Variants in ATP6V0A4 observed in about 807,000 individuals in gnomAD.
ATP6V0A4 encodes the protein ATPase H+ transporting V0 subunit a4.
A neutral mutation model predicts 107.3 loss-of-function variants in ATP6V0A4; 86 were observed. The observed-to-expected ratio is 0.80, with a 90% CI of 0.67 to 0.96. The LOEUF (loss-of-function observed/expected upper bound fraction) is 0.96. Among genes scored for constraint, ATP6V0A4 ranks in the 40% least tolerant of loss-of-function variants. The pLI is 0.00. For missense variants in ATP6V0A4, 908 were observed against 1,045.6 expected, an observed-to-expected ratio of 0.87 and a Z score of 1.81; for synonymous variants, 353 against 381.4, an observed-to-expected ratio of 0.93 and a Z score of 0.87.
At chr7:138,779,356 AT>A (rs200629987) in intron 2 of ATP6V0A4, among the ~76,000 whole-genome samples, 3,090 of 148,734 alleles carry the variant, frequency 0.021, 108 homozygotes, top group African/African-American at 0.061. Context: ...TTAAAAAAAA[AT>A]AAATAAATAA....
At chr7:138,756,314 G>A (rs1325643630) in intron 9 of ATP6V0A4, 144 bp downstream of exon 9, 1 of 1,386,708 alleles carries the variant, frequency 7.2e-7, no homozygotes, top group African/African-American at 1.5e-5. Context: ...TTAAAAATCA[G>A]TTGGGGCTGA....
At chr7:138,733,678 A>G (rs947143283) in intron 16 of ATP6V0A4, among the ~76,000 whole-genome samples, 1 of 148,882 alleles carries the variant, frequency 6.7e-6, no homozygotes, top group African/African-American at 2.5e-5. Context: ...TCCAGGTCCA[A>G]GGGATTCCCC....
intron 8 of ATP6V0A4, among the ~76,000 whole-genome samples, chr7:138,759,350 T>C (rs1806672235): frequency 6.6e-6 from 1 of 152,086 alleles, no homozygotes; most frequent in Admixed American, 6.6e-5. Context: ...CCACCATGCC[T>C]GGCCTGGAAT....
At chr7:138,711,268 A>G (rs6971887) in intron 20 of ATP6V0A4, among the ~76,000 whole-genome samples, 4,803 of 151,926 alleles carry the variant, frequency 0.032, 182 homozygotes, top group East Asian at 0.1. Flanking sequence ...ATCGGAAAAA[A>G]CCCGGACTCG....
intron 3 of ATP6V0A4, 25 bp from the exon 4 acceptor site, chr7:138,769,276 A>G: frequency 6.2e-7 from 1 of 1,607,794 alleles, no homozygotes; most frequent in South Asian, 1.1e-5. Context: ...ATCACAAGAT[A>G]CATGTTAGTA....
intron 19 of ATP6V0A4, among the ~76,000 whole-genome samples, chr7:138,717,780 T>C (rs1257373847): frequency 6.7e-6 from 1 of 148,530 alleles, no homozygotes; most frequent in Non-Finnish European, 1.5e-5. Context: ...TGGTGGCGCA[T>C]GCCTGTAGTC....
chr7:138,715,782 G>C lies in ATP6V0A4; in HGVS notation c.2239C>G (p.Leu747Val), dbSNP rs201343486. The change falls in exon 20 of 22, where the codon CTC (leucine) becomes GTC (valine). Residue 747 changes from leucine (L) to valine (V), a missense_variant. Coordinates refer to ENST00000310018, the MANE Select transcript of ATP6V0A4 (RefSeq NM_020632.3). ...NTASYLRLWALSLAHAQLSEV... is the reference protein window; with the variant it reads ...NTASYLRLWAVSLAHAQLSEV... ...CACTCACGTGCATGAGCCAGGCTGA[G>C]GGCCCAGAGCCGCAGGTAGGAGGCT... is the stretch of plus-strand genomic sequence containing the variant. 1 of 1,611,684 alleles carries C rather than the reference G, an allele frequency of 6.2e-7. No individual in the cohort carries two copies. The highest frequency in any genetic ancestry group is 8.5e-7 in the Non-Finnish European group (1 of 1,179,784).
chr7:138,764,610 G>C (rs772310382), intron 5 of ATP6V0A4, among the ~76,000 whole-genome samples: 1 of 152,034 alleles, frequency 6.6e-6, no homozygotes, highest in Non-Finnish European at 1.5e-5. Flanking sequence ...AGTGGGGAAG[G>C]GTTGGCAGGT....
chr7:138,721,881 C>G lies in ATP6V0A4; in HGVS notation c.2139+16G>C. 1.2e-6 allele frequency: 2 copies of G among 1,613,868 alleles called. No individual in the cohort carries two copies. Among genetic ancestry groups the G allele is most frequent in the Non-Finnish European group, 1.7e-6 (2 of 1,179,842 alleles). On this transcript the variant is annotated intron_variant, in intron 19 of 21. Coordinates refer to ENST00000310018, the MANE Select transcript of ATP6V0A4 (RefSeq NM_020632.3). ...CAAACTGGGGAGTCTTCCTCAGGGG[C>G]TCTCGTCCCAGATACCTCTTCTCCA...
intron 17 of ATP6V0A4, among the ~76,000 whole-genome samples, chr7:138,730,759 G>T (rs1804961655): frequency 6.6e-6 from 1 of 152,090 alleles, no homozygotes; most frequent in Non-Finnish European, 1.5e-5. Context: ...CCAGCACTGA[G>T]TAAATGAACC....
chr7:138,709,534 C>T, intron 21 of ATP6V0A4, 90 bp downstream of exon 21: 1 of 1,261,512 alleles, frequency 7.9e-7, no homozygotes, highest in Non-Finnish European at 1.2e-6. Flanking sequence ...AAGTCACATA[C>T]AGCTCACGAT....
In ATP6V0A4 at chr7:138,709,755, G is replaced by T; in HGVS notation, c.2298C>A (p.Gly766=). ...EVLWTMVMNS[G]LQTRGWGGIV... Reference sequence around the variant, plus strand: ...TTCCTCCCCAGCCTCGCGTCTGAAGGCCGCTGTTCATCACCATAGTCCAGA... The same window carrying T: ...TTCCTCCCCAGCCTCGCGTCTGAAGTCCGCTGTTCATCACCATAGTCCAGA... Residue 766 remains glycine, a synonymous_variant, in exon 21 of 22, where the codon GGC becomes GGA. Transcript: ENST00000310018. 6.2e-7 allele frequency: 1 copy of T among 1,614,066 alleles called. No homozygotes were observed. The highest frequency in any genetic ancestry group is 8.5e-7 in the Non-Finnish European group (1 of 1,179,980).
intron 5 of ATP6V0A4, 99 bp from the exon 6 acceptor site, chr7:138,763,124 CA>C: frequency 6.5e-7 from 1 of 1,536,052 alleles, no homozygotes; most frequent in South Asian, 1.2e-5. Flanking sequence ...TCAAAGGAAT[CA>C]GCACATAACA....
intron 1 of ATP6V0A4, among the ~76,000 whole-genome samples, chr7:138,789,968 C>CAAAAAAAA (rs34413519): frequency 1.6e-5 from 2 of 126,746 alleles, no homozygotes; most frequent in Non-Finnish European, 1.7e-5. Context: ...GACTCTGTCT[C>CAAAAAAAA]AAAAAAAAAA....
intron 17 of ATP6V0A4, among the ~76,000 whole-genome samples, chr7:138,730,341 A>AGTGTGT (rs369725759): frequency 0.014 from 1,948 of 140,092 alleles, 29 homozygotes; most frequent in East Asian, 0.033. Context: ...CAACGGGATG[A>AGTGTGT]GTGTGTGTGT....
chr7:138,720,277 C>T (rs564141401), intron 19 of ATP6V0A4, among the ~76,000 whole-genome samples: 2 of 152,188 alleles, frequency 1.3e-5, no homozygotes, highest in East Asian at 3.9e-4. Context: ...GAAAGAGAAA[C>T]AGGGGGAGGC....
intron 5 of ATP6V0A4, among the ~76,000 whole-genome samples, chr7:138,766,997 A>T (rs1482602505): frequency 6.6e-6 from 1 of 152,228 alleles, no homozygotes; most frequent in East Asian, 1.9e-4. Context: ...CACATCACCA[A>T]CAGATTTAAA....
At chr7:138,734,616 C>G (rs1266477659) in intron 15 of ATP6V0A4, among the ~76,000 whole-genome samples, 2 of 151,620 alleles carry the variant, frequency 1.3e-5, no homozygotes, top group Admixed American at 6.6e-5. Context: ...GTCTCTACAC[C>G]AAAATACAAA....
intron 1 of ATP6V0A4, among the ~76,000 whole-genome samples, chr7:138,787,685 T>G (rs1808231498): frequency 6.6e-6 from 1 of 151,878 alleles, no homozygotes; most frequent in Non-Finnish European, 1.5e-5. Context: ...ATGAAACATA[T>G]GGACAAAGCA....
Sources: gnomAD v4.1 joint callset for allele counts (sites outside exome capture counted in the v4.1 genomes callset) on GRCh38, gnomAD v4.1.1 for gene constraint, MANE v1.5 for transcripts, NCBI Gene and HGNC (gene_info 2026-07-23, HGNC 2026-07-21) for gene names.